The following SSH1 variants were observed in gnomAD, a reference collection of about 807,000 sequenced individuals.
SSH1 encodes the protein slingshot protein phosphatase 1, also known as protein phosphatase Slingshot homolog 1.
A neutral mutation model predicts 79.7 loss-of-function variants in SSH1; 43 were observed. The observed-to-expected ratio is 0.54, with a 90% CI of 0.42 to 0.70. SSH1 has a LOEUF of 0.70. Ranked by LOEUF, SSH1 falls within the 30% of genes least tolerant of loss-of-function variation. The probability of loss-of-function intolerance (pLI) is 0.00; values close to 1 mark genes in which losing one functional copy is unlikely to be tolerated. For synonymous variants in SSH1, 599 were observed against 538.3 expected (o/e 1.11, Z -1.56); for missense variants, 1,206 against 1,358.8 (o/e 0.89, Z 1.77).
chr12:108,790,085 C>T (rs1414474044), intron 14 of SSH1, among the ~76,000 whole-genome samples: 1 of 152,130 alleles, frequency 6.6e-6, no homozygotes, highest in Admixed American at 6.5e-5. Flanking sequence ...ACCCCAGCAG[C>T]CTGCCTGTAG....
intron 2 of SSH1, among the ~76,000 whole-genome samples, chr12:108,832,107 G>A (rs1203280815): frequency 6.6e-6 from 1 of 151,966 alleles, no homozygotes; most frequent in Non-Finnish European, 1.5e-5. Context: ...CCCCAGCCTG[G>A]GCAACATGGC....
intron 10 of SSH1, among the ~76,000 whole-genome samples, chr12:108,802,977 G>C (rs1172077266): frequency 2.6e-5 from 4 of 152,096 alleles, no homozygotes; most frequent in African/African-American, 9.7e-5. Context: ...AATGAGGCTG[G>C]ATCTTCATGA....
intron 2 of SSH1, among the ~76,000 whole-genome samples, chr12:108,830,985 T>C (rs2038458322): frequency 6.6e-6 from 1 of 151,392 alleles, no homozygotes; most frequent in Non-Finnish European, 1.5e-5. Context: ...GGACAAAGCA[T>C]TCTGGTGAAT....
chr12:108,792,598 G>A lies in SSH1; in HGVS notation c.1581C>T (p.Gly527=), dbSNP rs1409872622. Reference sequence around the variant, plus strand: ...CCGGATCCTCCAGGTGGACCAAGCTGCCAGTTTCATCCTCAGGGGAAGGCA... The same window carrying A: ...CCGGATCCTCCAGGTGGACCAAGCTACCAGTTTCATCCTCAGGGGAAGGCA... ...PLLPSPEDET[G]SLVHLEDPER... The change falls in exon 14 of 15, where the codon GGC becomes GGT. Residue 527 remains glycine (G), a synonymous_variant. Coordinates refer to ENST00000326495, the MANE Select transcript of SSH1 (RefSeq NM_018984.4). The A allele has an allele frequency of 6.2e-7, 1 of 1,612,514 alleles. No homozygotes were observed. The highest frequency in any genetic ancestry group is 1.3e-5 in the African/African-American group (1 of 75,002).
At position 108,792,726 on chromosome 12, in the gene SSH1, C is replaced by T. The variant is rs752113228; in HGVS notation, c.1453G>A (p.Asp485Asn). 1.2e-6 allele frequency: 2 copies of T among 1,613,694 alleles called. No homozygotes were observed. The highest frequency in any genetic ancestry group is 1.3e-5 in the African/African-American group (1 of 74,946). ...GGCAGCTGGCTTTCCGGGGTGCCAT[C>T]TGGGGTCTCTGGCAAGAAGTCGCCA... ...GPGDFLPETP[D>N]GTPESQLPFL... The change falls in exon 14 of 15, where the codon GAT becomes AAT. Residue 485 changes from aspartate (D) to asparagine (N), a missense_variant. Asp to Asn is a conservative substitution (Grantham distance 23, BLOSUM62 1). Coordinates refer to ENST00000326495, the MANE Select transcript of SSH1 (RefSeq NM_018984.4).
chr12:108,833,344 AG>A (rs573789632), intron 2 of SSH1, among the ~76,000 whole-genome samples: 142 of 152,308 alleles, frequency 9.3e-4, no homozygotes, highest in Middle Eastern at 3.4e-3. Context: ...GAAGGTATAA[AG>A]GCTGCACTGT....
At chr12:108,830,015 A>T (rs2038434946) in intron 2 of SSH1, among the ~76,000 whole-genome samples, 1 of 152,206 alleles carries the variant, frequency 6.6e-6, no homozygotes, top group South Asian at 2.1e-4. Flanking sequence ...CTGAGGTGGG[A>T]GAATCACTTG....
chr12:108,797,758 C>G (rs1216524441), intron 13 of SSH1, among the ~76,000 whole-genome samples: 1 of 152,190 alleles, frequency 6.6e-6, no homozygotes, highest in Non-Finnish European at 1.5e-5. Flanking sequence ...CTGAGGGCTG[C>G]TTTCATCACT....
chr12:108,790,532 C>G (rs1285697827), intron 14 of SSH1, among the ~76,000 whole-genome samples: 1 of 152,186 alleles, frequency 6.6e-6, no homozygotes. Context: ...GATCTGCCTG[C>G]CTTGGCCTCC....
intron 2 of SSH1, among the ~76,000 whole-genome samples, chr12:108,824,409 C>G (rs962781790): frequency 6.6e-6 from 1 of 151,348 alleles, no homozygotes; most frequent in African/African-American, 2.4e-5. Context: ...GATCGCACCA[C>G]GCACCACTGC....
At chr12:108,810,539 A>G (rs77777259) in intron 6 of SSH1, among the ~76,000 whole-genome samples, 3,233 of 152,266 alleles carry the variant, frequency 0.021, 111 homozygotes, top group African/African-American at 0.074. Flanking sequence ...AGAAAAAAAA[A>G]TTAATACAAA....
chr12:108,848,897 C>T (rs1268942110), intron 2 of SSH1, among the ~76,000 whole-genome samples: 1 of 150,736 alleles, frequency 6.6e-6, no homozygotes, highest in Non-Finnish European at 1.5e-5. Context: ...AATGACCCAA[C>T]ATCCCAGGAG....
chr12:108,825,125 G>A (rs749718463), intron 2 of SSH1, among the ~76,000 whole-genome samples: 2 of 152,022 alleles, frequency 1.3e-5, no homozygotes, highest in Non-Finnish European at 2.9e-5. Flanking sequence ...TCAAATTGTA[G>A]GCAACTATAA....
At chr12:108,838,135 A>G (rs2137249965) in intron 2 of SSH1, among the ~76,000 whole-genome samples, 1 of 152,268 alleles carries the variant, frequency 6.6e-6, no homozygotes, top group East Asian at 1.9e-4. Flanking sequence ...TTTTGGTAAA[A>G]CACGACCTGT....
At chr12:108,813,153 T>A (rs1331551713) in intron 5 of SSH1, among the ~76,000 whole-genome samples, 2 of 152,060 alleles carry the variant, frequency 1.3e-5, no homozygotes, top group African/African-American at 4.8e-5. Flanking sequence ...AGGAAAGGGA[T>A]ACATAGTAAG....
chr12:108,811,634 G>C, intron 5 of SSH1: 1 of 446,430 alleles, frequency 2.2e-6, no homozygotes, highest in Admixed American at 3.4e-5. Flanking sequence ...TGTGTACTTG[G>C]GGGTACATAG....
chr12:108,857,125 C>A lies in SSH1; in HGVS notation c.69+303G>T, dbSNP rs1425179436. On this transcript the variant is annotated intron_variant, in intron 1 of 14. Coordinates refer to ENST00000326495, the MANE Select transcript of SSH1 (RefSeq NM_018984.4). This position sits in a 1 kb window ranked among gnomAD's most constrained non-coding sequence, Gnocchi z 4.7. ...GGTAACCCCCTGATGTGGGTCACAG[C>A]GCACACACAGTATCCTGCAGACACT... Among the ~76,000 whole-genome samples the A allele has an allele frequency of 1.3e-5, 2 of 152,212 alleles. No homozygotes were observed. Among genetic ancestry groups the A allele is most frequent in the African/African-American group, 4.8e-5 (2 of 41,466 alleles).
Position 108,788,500 on chromosome 12 carries a change from C to T in SSH1, c.2638G>A (p.Asp880Asn). The change falls in exon 15 of 15, where the codon GAT (aspartate) becomes AAT (asparagine). Residue 880 changes from aspartate (D) to asparagine (N), a missense_variant. Coordinates refer to ENST00000326495, the MANE Select transcript of SSH1 (RefSeq NM_018984.4). ...PLVMPSQAGS[D>N]EKSEAAPASL... ...GCGGGGGCGGCCTCTGACTTCTCAT[C>T]ACTCCCGGCCTGGCTGGGCATAACC... 1 of 1,553,708 alleles carries T rather than the reference C, an allele frequency of 6.4e-7. No homozygotes were observed. The highest frequency in any genetic ancestry group is 1.4e-5 in the African/African-American group (1 of 72,924).
At position 108,823,324 on chromosome 12, in the gene SSH1, G is replaced by A; in HGVS notation, c.148C>T (p.Leu50Phe). The A allele has an allele frequency of 6.3e-7, 1 of 1,584,240 alleles. No individual in the cohort carries two copies. Among genetic ancestry groups the A allele is most frequent in the Non-Finnish European group, 8.6e-7 (1 of 1,163,808 alleles). Residue 50 changes from leucine (L) to phenylalanine (F), a missense_variant, in exon 3 of 15, where the codon CTC becomes TTC. Leu to Phe is a conservative substitution (Grantham distance 22). This residue lies in a region of SSH1 where 100 missense variants were observed against 82.3 expected (regional missense o/e 1.21). Coordinates refer to ENST00000326495, the MANE Select transcript of SSH1 (RefSeq NM_018984.4). The stretch of plus-strand genomic sequence containing the variant: ...GGGCTGCTTCCCTGTTGTAAGAAGA[G>A]GGCTGCGCCTTTCACCATGAAAAAG... ...ESFFMVKGAA[L>F]FLQQGSSPQG... is the part of the protein sequence containing the mutation.
Sources: allele counts gnomAD v4.1 joint callset (sites outside exome capture counted in the v4.1 genomes callset), GRCh38; gene constraint gnomAD v4.1.1; regional missense constraint gnomAD v4.1.1; non-coding constraint Gnocchi (gnomAD v3.1); transcripts MANE v1.5; gene names NCBI Gene and HGNC (gene_info 2026-07-23, HGNC 2026-07-21).